The following USP6NL variants were observed in gnomAD, a reference collection of about 807,000 sequenced individuals.
USP6NL encodes USP6 N-terminal-like protein.
Under a neutral mutation model 61.9 loss-of-function variants are expected in USP6NL, and 26 were observed. That is an observed-to-expected ratio of 0.42 (90% CI 0.31 to 0.58). The LOEUF (loss-of-function observed/expected upper bound fraction) is 0.58, where lower values mean the gene tolerates loss of function less well. Ranked by LOEUF, USP6NL falls within the 20% of genes least tolerant of loss-of-function variation. The probability of loss-of-function intolerance (pLI) is 0.16; values close to 1 mark genes in which losing one functional copy is unlikely to be tolerated. For missense variants in USP6NL, 1,114 were observed against 1,034.3 expected (o/e 1.08, Z -1.06); for synonymous variants, 432 against 390.1 (o/e 1.11, Z -1.27).
At chr10:11,586,937 C>G (rs1837988843) in intron 2 of USP6NL, among the ~76,000 whole-genome samples, 1 of 152,206 alleles carries the variant, frequency 6.6e-6, no homozygotes, top group Non-Finnish European at 1.5e-5. Context: ...TCTTCCTCTT[C>G]ACTAGGTCTC....
intron 7 of USP6NL, 147 bp from the exon 8 acceptor site, chr10:11,493,375 G>A (rs1266607140): frequency 1.5e-6 from 1 of 646,300 alleles, no homozygotes; most frequent in African/African-American, 1.8e-5. Flanking sequence ...TATACAAAAA[G>A]GTACACAATA....
chr10:11,512,532 GAAGTA>G (rs961857353), intron 5 of USP6NL, among the ~76,000 whole-genome samples: 7 of 152,176 alleles, frequency 4.6e-5, no homozygotes, highest in African/African-American at 1.4e-4. Flanking sequence ...CCATTTTCTA[GAAGTA>G]AAGTTCAAAT....
In USP6NL at chr10:11,561,577, A is replaced by T. The variant is rs945502451; in HGVS notation, c.5-34010T>A. Among the ~76,000 whole-genome samples the T allele has an allele frequency of 2.0e-5, 3 of 152,172 alleles. No individual in the cohort carries two copies. The highest frequency in any genetic ancestry group is 2.0e-4 in the Admixed American group (3 of 15,280). On this transcript the variant is annotated intron_variant, in intron 2 of 14. Coordinates refer to ENST00000609104, the MANE Select transcript of USP6NL (RefSeq NM_014688.5). The surrounding 1 kb of genome is among the most constrained non-coding windows in gnomAD (Gnocchi z 4.1). ...AATTAAGCTTACTCTTCTTAATACT[A>T]TTGTACTTCACTATATGGATTTGCC...
rs1457669588 is a variant in USP6NL at position 11,495,250 on chromosome 10, C to A, written c.385-2022G>T. Among the ~76,000 whole-genome samples, 1 of 151,964 alleles carries A rather than the reference C, an allele frequency of 6.6e-6. No homozygotes were observed. The highest frequency in any genetic ancestry group is 2.4e-5 in the African/African-American group (1 of 41,340). On this transcript the variant is annotated intron_variant, in intron 7 of 14. Transcript: ENST00000609104. The surrounding 1 kb of genome is among the most constrained non-coding windows in gnomAD (Gnocchi z 4.6). ...TTTTTCCTAGGTTATGATTATAGAG[C>A]GAGGATTATTATAATATTGGAATAT...
chr10:11,604,261 T>C (rs139894043), intron 1 of USP6NL, among the ~76,000 whole-genome samples: 2 of 152,366 alleles, frequency 1.3e-5, no homozygotes, highest in Middle Eastern at 3.4e-3. Context: ...TAGCACTGTA[T>C]GATTTATTAT....
chr10:11,607,632 G>A (rs190312284), intron 1 of USP6NL, among the ~76,000 whole-genome samples: 31 of 152,162 alleles, frequency 2.0e-4, no homozygotes, highest in African/African-American at 7.2e-4. Context: ...GCTGCAGTGA[G>A]CTGAGACTGC....
At chr10:11,521,484 G>A (rs997631156) in intron 4 of USP6NL, among the ~76,000 whole-genome samples, 1 of 151,498 alleles carries the variant, frequency 6.6e-6, no homozygotes, top group African/African-American at 2.4e-5. Context: ...GGGTTCAAGC[G>A]ATTCTCCTGC....
Position 11,525,878 on chromosome 10 carries a change from T to C in USP6NL, c.73-410A>G, listed in dbSNP as rs941828104. Among the ~76,000 whole-genome samples the C allele has an allele frequency of 1.3e-5, 2 of 152,186 alleles. No homozygotes were observed. The highest frequency in any genetic ancestry group is 2.4e-5 in the African/African-American group (1 of 41,450). On this transcript the variant is annotated intron_variant, in intron 3 of 14. Coordinates refer to ENST00000609104, the MANE Select transcript of USP6NL (RefSeq NM_014688.5). The surrounding 1 kb of genome is among the most constrained non-coding windows in gnomAD (Gnocchi z 5.0). ...TTTTTGCCTTTTTATGCAAACTCCT[T>C]AGAGAAGCAGGCAGAGAAGCTCCTC...
chr10:11,532,313 A>C lies in USP6NL; in HGVS notation c.5-4746T>G. 1 of 1,213,292 alleles carries C rather than the reference A, an allele frequency of 8.2e-7. No homozygotes were observed. Among genetic ancestry groups the C allele is most frequent in the Non-Finnish European group, 1.1e-6 (1 of 875,310 alleles). The allele number at this position is 1,213,292 out of a possible 1,614,324, so 75.2% of individuals were successfully genotyped here. On this transcript the variant is annotated intron_variant, in intron 2 of 14. Transcript: ENST00000609104. This position sits in a 1 kb window ranked among gnomAD's most constrained non-coding sequence, Gnocchi z 4.1. Reference sequence around the variant, plus strand: ...CAAGAGTGCTGCCCGGCGGTACCTCACACATTCTGCAACTAACTAAAACAA... The same window carrying C: ...CAAGAGTGCTGCCCGGCGGTACCTCCCACATTCTGCAACTAACTAAAACAA...
At position 11,587,700 on chromosome 10, in the gene USP6NL, A is replaced by G. The variant is rs994234086; in HGVS notation, c.4+9931T>C. ...CTGCTATACTTTATACCTTCATAGC[A>G]TTTGTTCAGTAGCATCTTGAGATTT... On this transcript the variant is annotated intron_variant, in intron 2 of 14. Coordinates refer to ENST00000609104, the MANE Select transcript of USP6NL (RefSeq NM_014688.5). The surrounding 1 kb of genome is among the most constrained non-coding windows in gnomAD (Gnocchi z 4.5). 2.0e-5 allele frequency among the ~76,000 whole-genome samples: 3 copies of G among 152,204 alleles called. No homozygotes were observed. Among genetic ancestry groups the G allele is most frequent in the Non-Finnish European group, 4.4e-5 (3 of 68,028 alleles).
rs371665624 is a variant in USP6NL, at chr10:11,527,517, C to G, written c.55G>C (p.Val19Leu). ...LKLAQERAEI[V>L]AKYDRGREGA... ...ATACTTACTCTGTCATATTTAGCAA[C>G]TATTTCAGCTCGCTCCTGGGCAAGT... The change falls in exon 3 of 15, where the codon GTT becomes CTT. Residue 19 changes from valine to leucine, a missense_variant. By Grantham distance (32) the Val-to-Leu change is conservative. Transcript: ENST00000609104. 1 of 1,607,408 alleles carries G rather than the reference C, an allele frequency of 6.2e-7. No homozygotes were observed. The highest frequency in any genetic ancestry group is 8.5e-7 in the Non-Finnish European group (1 of 1,176,730).
chr10:11,535,242 C>T (rs2133433090), intron 2 of USP6NL, among the ~76,000 whole-genome samples: 1 of 152,258 alleles, frequency 6.6e-6, no homozygotes, highest in Non-Finnish European at 1.5e-5. Flanking sequence ...TTCCAAGCTG[C>T]CAAAGTGATG....
intron 2 of USP6NL, among the ~76,000 whole-genome samples, chr10:11,529,511 CT>C: frequency 6.6e-6 from 1 of 152,238 alleles, no homozygotes; most frequent in African/African-American, 2.4e-5. Flanking sequence ...TTTGTAAAAG[CT>C]TATTTGGGAA....
At chr10:11,586,638 G>C (rs560673077) in intron 2 of USP6NL, among the ~76,000 whole-genome samples, 1 of 152,110 alleles carries the variant, frequency 6.6e-6, no homozygotes, top group African/African-American at 2.4e-5. Context: ...ACATAGTGAG[G>C]TTACCAGTAA....
chr10:11,470,472 C>G lies in USP6NL; in HGVS notation c.1079-6623G>C, dbSNP rs1832690505. On this transcript the variant is annotated intron_variant, in intron 14 of 14. Transcript: ENST00000609104. The surrounding 1 kb of genome is among the most constrained non-coding windows in gnomAD (Gnocchi z 5.4). ...AACCTCCACTGAACTGAAAACACAT[C>G]ATGCAGACCCTGTAAGAAGGACGAA... Among the ~76,000 whole-genome samples the G allele has an allele frequency of 6.6e-6, 1 of 152,196 alleles. No individual in the cohort carries two copies. Among genetic ancestry groups the G allele is most frequent in the Non-Finnish European group, 1.5e-5 (1 of 68,028 alleles).
In USP6NL at chr10:11,532,105, C is replaced by G. The variant is rs763181838; in HGVS notation, c.5-4538G>C. The G allele has an allele frequency of 9.0e-7, 1 of 1,110,954 alleles. No individual in the cohort carries two copies. Among genetic ancestry groups the G allele is most frequent in the Non-Finnish European group, 1.3e-6 (1 of 779,408 alleles). 68.8% of individuals were successfully genotyped at this position (1,110,954 alleles called of 1,614,324 possible). ...CAATAAAATAAAATTTACAGCAGACCATTTTTCCTAGAGTACATTTTGACA... is the reference window on the plus strand; with the variant it reads ...CAATAAAATAAAATTTACAGCAGACGATTTTTCCTAGAGTACATTTTGACA... On this transcript the variant is annotated intron_variant, in intron 2 of 14. Transcript: ENST00000609104. This position sits in a 1 kb window ranked among gnomAD's most constrained non-coding sequence, Gnocchi z 4.1.
chr10:11,463,953 T>TGAAA lies in USP6NL; in HGVS notation c.1079-105_1079-104insTTTC. The TGAAA allele has an allele frequency of 7.4e-6, 8 of 1,079,846 alleles. No homozygotes were observed. The highest frequency in any genetic ancestry group is 1.7e-5 in the South Asian group (1 of 57,168). The allele number at this position is 1,079,846 out of a possible 1,614,324, so 66.9% of individuals were successfully genotyped here. A position where few individuals can be genotyped will look rare whatever the true frequency, so the allele number is the denominator to read the frequency against. On this transcript the variant is annotated intron_variant, in intron 14 of 14. Coordinates refer to ENST00000609104, the MANE Select transcript of USP6NL (RefSeq NM_014688.5). The surrounding 1 kb of genome is among the most constrained non-coding windows in gnomAD (Gnocchi z 6.3). ...GGCATGCTTTTCATCTGTGCACAGATACACGCTGACATACAACACACTGTC... is the reference window on the plus strand; with the variant it reads ...GGCATGCTTTTCATCTGTGCACAGATGAAAACACGCTGACATACAACACACTGTC...
At chr10:11,484,840 C>G (rs1157334899) in intron 13 of USP6NL, 131 bp downstream of exon 13, 1 of 629,310 alleles carries the variant, frequency 1.6e-6, no homozygotes, top group Non-Finnish European at 2.6e-6. Context: ...GATAATTTCT[C>G]CACTGATTTT....
At chr10:11,555,576 T>TA (rs1406160537) in intron 2 of USP6NL, among the ~76,000 whole-genome samples, 7 of 149,818 alleles carry the variant, frequency 4.7e-5, no homozygotes, top group African/African-American at 1.7e-4. Flanking sequence ...TACATGCAGT[T>TA]AGAGTCCTAG....
Sources: allele counts gnomAD v4.1 joint callset (sites outside exome capture counted in the v4.1 genomes callset), GRCh38; gene constraint gnomAD v4.1.1; non-coding constraint Gnocchi (gnomAD v3.1); transcripts MANE v1.5; gene names NCBI Gene and HGNC (gene_info 2026-07-23, HGNC 2026-07-21).